The following CNBD1 variants were observed in gnomAD, a reference collection of about 807,000 sequenced individuals.
CNBD1 encodes cyclic nucleotide-binding domain-containing protein 1.
In CNBD1, 71 loss-of-function variants were observed where a neutral mutation model predicts 54.4. The ratio of observed to expected loss-of-function variants is 1.30; its 90% CI spans 1.08 to 1.59. The LOEUF is 1.59. Among genes scored for constraint, CNBD1 ranks in the 40% most tolerant of loss-of-function variants. The probability of loss-of-function intolerance (pLI) is 0.00; values close to 1 mark genes in which losing one functional copy is unlikely to be tolerated. For missense variants in CNBD1, 659 were observed against 518.0 expected (o/e 1.27, Z -2.64); for synonymous variants, 182 against 170.7 (o/e 1.07, Z -0.51).
At chr8:86,954,088 G>C (rs112712591) in intron 4 of CNBD1, among the ~76,000 whole-genome samples, 91 of 152,246 alleles carry the variant, frequency 6.0e-4, no homozygotes, top group African/African-American at 2.1e-3. Flanking sequence ...TAAAAGGGAA[G>C]ACTTAGTCTT....
intron 2 of CNBD1, among the ~76,000 whole-genome samples, chr8:87,400,665 T>C (rs1456757785): frequency 6.6e-6 from 1 of 151,984 alleles, no homozygotes; most frequent in Non-Finnish European, 1.5e-5. Flanking sequence ...TTTGACTTTT[T>C]GCATTGTGGA....
rs1810302435 is a variant in CNBD1, at chr8:87,351,811, T to C, written c.1152+17T>C. 6 of 1,451,340 alleles carry C rather than the reference T, an allele frequency of 4.1e-6. No homozygotes were observed. The highest frequency in any genetic ancestry group is 4.5e-6 in the Non-Finnish European group (5 of 1,103,412). The allele number at this position is 1,451,340 out of a possible 1,614,324, so 89.9% of individuals were successfully genotyped here. On this transcript the variant is annotated intron_variant, in intron 9 of 10. Transcript: ENST00000518476. ...AATAAAGTGGTAAGTTTTCAACATGTATTCTTTTTAATCAATTAATCTACT... is the reference window on the plus strand; with the variant it reads ...AATAAAGTGGTAAGTTTTCAACATGCATTCTTTTTAATCAATTAATCTACT...
At chr8:87,325,860 T>G (rs1809656605) in intron 8 of CNBD1, among the ~76,000 whole-genome samples, 1 of 145,490 alleles carries the variant, frequency 6.9e-6, no homozygotes, top group South Asian at 2.2e-4. Flanking sequence ...TGTTAGCTGG[T>G]GATTTTGCTC....
chr8:87,307,828 G>T (rs1007517435), intron 8 of CNBD1, among the ~76,000 whole-genome samples: 33 of 151,324 alleles, frequency 2.2e-4, no homozygotes, highest in African/African-American at 7.8e-4. Flanking sequence ...TCCATTTTAA[G>T]TGATGGCAGT....
intron 8 of CNBD1, among the ~76,000 whole-genome samples, chr8:87,341,978 A>G (rs527452635): frequency 6.6e-6 from 1 of 152,328 alleles, no homozygotes; most frequent in Non-Finnish European, 1.5e-5. Context: ...TTTCTTACAA[A>G]CAAAACTCAT....
At chr8:87,369,396 C>G (rs1339616726) in intron 10 of CNBD1, among the ~76,000 whole-genome samples, 1 of 151,928 alleles carries the variant, frequency 6.6e-6, no homozygotes, top group African/African-American at 2.4e-5. Context: ...ATGTAATTAC[C>G]TCTGCTCATG....
intron 6 of CNBD1, 58 bp downstream of exon 6, chr8:87,237,170 C>G (rs191023955): frequency 9.6e-7 from 1 of 1,045,740 alleles, no homozygotes; most frequent in Non-Finnish European, 1.4e-6. Flanking sequence ...TTTTGTAAAA[C>G]TTTATCTCTT....
At chr8:87,143,068 C>A (rs1812403995) in intron 4 of CNBD1, among the ~76,000 whole-genome samples, 1 of 152,044 alleles carries the variant, frequency 6.6e-6, no homozygotes, top group Non-Finnish European at 1.5e-5. Flanking sequence ...ACTTGGGTAC[C>A]TTGTTTATTA....
At chr8:87,057,072 G>A (rs1300133693) in intron 4 of CNBD1, among the ~76,000 whole-genome samples, 1 of 152,084 alleles carries the variant, frequency 6.6e-6, no homozygotes, top group Non-Finnish European at 1.5e-5. Flanking sequence ...TACCTGACTG[G>A]GGAGGAAGAC....
At chr8:87,356,192 T>A (rs1810416435) in intron 10 of CNBD1, among the ~76,000 whole-genome samples, 1 of 152,098 alleles carries the variant, frequency 6.6e-6, no homozygotes, top group Admixed American at 6.6e-5. Context: ...ACAAAACTAA[T>A]ACAGACGTGG....
rs1808661408 is a variant in CNBD1 at position 87,284,816 on chromosome 8, G to A, written c.909+1G>A. The A allele has an allele frequency of 1.3e-6, 2 of 1,561,872 alleles. No individual in the cohort carries two copies. The highest frequency in any genetic ancestry group is 1.4e-5 in the African/African-American group (1 of 72,790). On this transcript the variant is annotated splice_donor_variant, in intron 7 of 10. Transcript: ENST00000518476. LOFTEE classifies it high-confidence loss of function. ...AAAGGGATATGCAAAGATAAAGGAG[G>A]TAAGATGATATCTAATATTTTATAT...
intron 4 of CNBD1, among the ~76,000 whole-genome samples, chr8:87,082,184 G>A (rs532860250): frequency 2.2e-4 from 34 of 151,702 alleles, no homozygotes; most frequent in African/African-American, 7.7e-4. Context: ...TTAATCAATC[G>A]ACCTTGTGAC....
chr8:87,237,219 A>G (rs888830891), intron 6 of CNBD1, 107 bp downstream of exon 6: 1 of 550,594 alleles, frequency 1.8e-6, no homozygotes, highest in Non-Finnish European at 3.1e-6. Context: ...GTCCTGAAAT[A>G]TTTACGATAA....
At chr8:86,890,575 G>A (rs1246719602) in intron 2 of CNBD1, among the ~76,000 whole-genome samples, 1 of 152,044 alleles carries the variant, frequency 6.6e-6, no homozygotes, top group African/African-American at 2.4e-5. Flanking sequence ...TCCACATATT[G>A]ATTTCAGTTT....
intron 5 of CNBD1, among the ~76,000 whole-genome samples, chr8:87,229,767 T>C (rs1446759494): frequency 1.3e-5 from 2 of 152,218 alleles, no homozygotes; most frequent in African/African-American, 4.8e-5. Context: ...CGTCTCACTC[T>C]GCATATATGT....
intron 4 of CNBD1, among the ~76,000 whole-genome samples, chr8:86,990,373 T>C (rs1808718750): frequency 6.6e-6 from 1 of 152,158 alleles, no homozygotes; most frequent in South Asian, 2.1e-4. Context: ...GGTTTTTGTT[T>C]ATAGTGAGAA....
At chr8:87,376,776 T>A (rs1221973995) in intron 10 of CNBD1, among the ~76,000 whole-genome samples, 1 of 151,948 alleles carries the variant, frequency 6.6e-6, no homozygotes, top group Non-Finnish European at 1.5e-5. Context: ...AAAGCATAAG[T>A]AACTTGCACA....
intron 10 of CNBD1, among the ~76,000 whole-genome samples, chr8:87,376,573 A>T (rs865805899): frequency 5.9e-5 from 9 of 151,938 alleles, no homozygotes; most frequent in African/African-American, 2.2e-4. Flanking sequence ...ACATAGCAAC[A>T]TGCTTCGCAC....
rs137958848 is a variant in CNBD1 at position 87,362,894 on chromosome 8, G to C, written c.1303+9108G>C. On this transcript the variant is annotated intron_variant, in intron 10 of 10. Transcript: ENST00000518476. The stretch of plus-strand genomic sequence containing the variant: ...TTCTAACTTTTTTTTTGTACTTTAA[G>C]TTAAGAACGTGCAGGTTTGTTACAT... Among the ~76,000 whole-genome samples the C allele has an allele frequency of 1.7e-3, 259 of 151,958 alleles. 1 individual carries two copies. Among genetic ancestry groups the C allele is most frequent in the African/African-American group, 5.8e-3 (241 of 41,474 alleles).
Sources: gnomAD v4.1 joint callset for allele counts (sites outside exome capture counted in the v4.1 genomes callset) on GRCh38, gnomAD v4.1.1 for gene constraint, MANE v1.5 for transcripts, NCBI Gene and HGNC (gene_info 2026-07-23, HGNC 2026-07-21) for gene names.